Variants in CNPY1 observed in about 807,000 individuals in gnomAD.
CNPY1 encodes canopy FGF signaling regulator 1.
In CNPY1, 14 loss-of-function variants were observed where a neutral mutation model predicts 14.4. That is an observed-to-expected ratio of 0.97 (90% CI 0.64 to 1.52). The LOEUF is 1.52. Among genes scored for constraint, CNPY1 ranks in the 40% most tolerant of loss-of-function variants. The pLI is 0.00. For synonymous variants in CNPY1, 43 were observed against 46.5 expected, an observed-to-expected ratio of 0.92 and a Z score of 0.31; for missense variants, 129 against 131.5, an observed-to-expected ratio of 0.98 and a Z score of 0.09.
chr7:155,515,048 C>T (rs564007342), intron 2 of CNPY1, among the ~76,000 whole-genome samples: 53 of 152,322 alleles, frequency 3.5e-4, no homozygotes, highest in African/African-American at 1.2e-3. Flanking sequence ...GCACACACCA[C>T]GCCATGCATA....
At chr7:155,540,288 C>T (rs78400034) in intron 2 of CNPY1, among the ~76,000 whole-genome samples, 3 of 152,144 alleles carry the variant, frequency 2.0e-5, no homozygotes, top group Non-Finnish European at 4.4e-5. Flanking sequence ...TTCAAGTGCT[C>T]GGCTTTGCCA....
intron 2 of CNPY1, among the ~76,000 whole-genome samples, chr7:155,513,485 C>A (rs140821503): frequency 2.4e-4 from 36 of 152,136 alleles, no homozygotes; most frequent in African/African-American, 8.2e-4. Flanking sequence ...GAAAATAATA[C>A]CTAAATGTTG....
intron 2 of CNPY1, among the ~76,000 whole-genome samples, chr7:155,527,472 C>T (rs1382997660): frequency 2.0e-5 from 2 of 100,966 alleles, no homozygotes; most frequent in Non-Finnish European, 3.6e-5. Context: ...GGCAAGTTCT[C>T]ACTGTCACCC....
At chr7:155,506,952 C>T (rs1258468888) in intron 4 of CNPY1, 68 bp downstream of exon 4, 26 of 1,030,732 alleles carry the variant, frequency 2.5e-5, no homozygotes, top group Non-Finnish European at 1.8e-5. Context: ...GCAAACAAGA[C>T]GCTGCAAGGC....
At chr7:155,509,624 C>T (rs575812921) in intron 2 of CNPY1, among the ~76,000 whole-genome samples, 1 of 152,302 alleles carries the variant, frequency 6.6e-6, no homozygotes, top group South Asian at 2.1e-4. Context: ...AAGTCTGGCC[C>T]TCCCCGGGGC....
chr7:155,533,268 T>C (rs1005131720), intron 2 of CNPY1, among the ~76,000 whole-genome samples: 5 of 152,146 alleles, frequency 3.3e-5, no homozygotes, highest in Admixed American at 1.3e-4. Context: ...CACCTCTCGT[T>C]CGGGGTCTGA....
intron 2 of CNPY1, among the ~76,000 whole-genome samples, chr7:155,534,624 A>G (rs1325072100): frequency 6.6e-6 from 1 of 152,192 alleles, no homozygotes; most frequent in Non-Finnish European, 1.5e-5. Flanking sequence ...GGCCCACTGC[A>G]CTGAGCGAGG....
intron 2 of CNPY1, among the ~76,000 whole-genome samples, 192 bp downstream of exon 2, chr7:155,545,639 G>C (rs186327645): frequency 6.6e-6 from 1 of 152,166 alleles, no homozygotes; most frequent in Non-Finnish European, 1.5e-5. Flanking sequence ...ACAAAATTTA[G>C]GTGCTGAGAG....
At position 155,536,434 on chromosome 7, in the gene CNPY1, G is replaced by C. The variant is rs1055811404; in HGVS notation, c.99+9397C>G. Among the ~76,000 whole-genome samples the C allele has an allele frequency of 1.3e-5, 2 of 152,092 alleles. No individual in the cohort carries two copies. Among genetic ancestry groups the C allele is most frequent in the South Asian group, 2.1e-4 (1 of 4,826 alleles). On this transcript the variant is annotated intron_variant, in intron 2 of 4. Coordinates refer to ENST00000636446, the MANE Select transcript of CNPY1 (RefSeq NM_001393663.1). The surrounding 1 kb of genome is among the most constrained non-coding windows in gnomAD (Gnocchi z 4.1). Reference sequence around the variant, plus strand: ...GCCTTTCTTTGTCCCATGCTACCAGGCTTCTCTCCAGTGACCAGTGACCTG... The same window carrying C: ...GCCTTTCTTTGTCCCATGCTACCAGCCTTCTCTCCAGTGACCAGTGACCTG...
chr7:155,537,470 C>T (rs1797037260), intron 2 of CNPY1, among the ~76,000 whole-genome samples: 1 of 149,128 alleles, frequency 6.7e-6, no homozygotes, highest in African/African-American at 2.5e-5. Context: ...GTCGTCCAGG[C>T]TGGGGTGCAA....
chr7:155,502,977 T>G lies in CNPY1; in HGVS notation c.*91A>C. 3 of 1,202,760 alleles carry G rather than the reference T, an allele frequency of 2.5e-6. No individual in the cohort carries two copies. The highest frequency in any genetic ancestry group is 3.6e-6 in the Non-Finnish European group (3 of 840,870). The allele number at this position is 1,202,760 out of a possible 1,614,324, so 74.5% of individuals were successfully genotyped here. ...GTATAAACAAGAGACAAAATTTTTC[T>G]TATCATGAAAGACAACATGCAAACA... On this transcript the variant is annotated 3_prime_UTR_variant, in exon 5 of 5. Coordinates refer to ENST00000636446, the MANE Select transcript of CNPY1 (RefSeq NM_001393663.1).
chr7:155,544,717 T>C (rs1344911017), intron 2 of CNPY1, among the ~76,000 whole-genome samples: 6 of 152,140 alleles, frequency 3.9e-5, no homozygotes, highest in African/African-American at 1.4e-4. Context: ...GGTGCAGGCG[T>C]CAGACCTGCA....
At chr7:155,507,371 A>G (rs949271783) in intron 3 of CNPY1, among the ~76,000 whole-genome samples, 1 of 150,926 alleles carries the variant, frequency 6.6e-6, no homozygotes, top group Non-Finnish European at 1.5e-5. Context: ...TGAGGAAGGA[A>G]CATCTCTTTG....
At chr7:155,543,675 G>C (rs1797127048) in intron 2 of CNPY1, among the ~76,000 whole-genome samples, 1 of 152,168 alleles carries the variant, frequency 6.6e-6, no homozygotes, top group African/African-American at 2.4e-5. Context: ...GCCAGGCCAT[G>C]CTGTTCTCCA....
Position 155,511,539 on chromosome 7 carries a change from G to A in CNPY1, c.100-2442C>T, listed in dbSNP as rs543930467. Among the ~76,000 whole-genome samples, 8 of 152,216 alleles carry A rather than the reference G, an allele frequency of 5.3e-5. No individual in the cohort carries two copies. The South Asian group carries it at 1.5e-3, about 28-fold the overall frequency. ...TGTTTTTATTTTGAAAGTGTAATTT[G>A]ACATGTTTGAATATGCTACTGTTTT... is the stretch of plus-strand genomic sequence containing the variant. On this transcript the variant is annotated intron_variant, in intron 2 of 4. Coordinates refer to ENST00000636446, the MANE Select transcript of CNPY1 (RefSeq NM_001393663.1).
In CNPY1 at chr7:155,537,017, C is replaced by G. The variant is rs546200127; in HGVS notation, c.99+8814G>C. On this transcript the variant is annotated intron_variant, in intron 2 of 4. Transcript: ENST00000636446. ...CCCCCAGTCCTAGGGATGTAAGGACCAGAGCATCCATCTGTTGATGCTTCT... is the reference window on the plus strand; with the variant it reads ...CCCCCAGTCCTAGGGATGTAAGGACGAGAGCATCCATCTGTTGATGCTTCT... Among the ~76,000 whole-genome samples the G allele has an allele frequency of 1.5e-3, 233 of 152,236 alleles. 2 individuals are homozygous for G. Among genetic ancestry groups the G allele is most frequent in the African/African-American group, 5.2e-3 (216 of 41,530 alleles).
At chr7:155,542,051 G>T (rs1347957115) in intron 2 of CNPY1, among the ~76,000 whole-genome samples, 4 of 152,088 alleles carry the variant, frequency 2.6e-5, no homozygotes, top group African/African-American at 7.2e-5. Context: ...GGTCGGGGGG[G>T]CAGAAGTCTG....
chr7:155,543,486 G>A (rs1261908472), intron 2 of CNPY1, among the ~76,000 whole-genome samples: 1 of 152,196 alleles, frequency 6.6e-6, no homozygotes, highest in Non-Finnish European at 1.5e-5. Flanking sequence ...AGAAAACAAT[G>A]CCACAGGAAT....
At position 155,508,913 on chromosome 7, in the gene CNPY1, T is replaced by C. The variant is rs202024094; in HGVS notation, c.284A>G (p.Tyr95Cys). The C allele has an allele frequency of 1.8e-4, 285 of 1,613,788 alleles. 2 individuals are homozygous for C. The Admixed American group carries it at 4.7e-3, about 26-fold the overall frequency. ...GCTTACCGCAAATTTCAAAGGTCTG[T>C]AAGCATCAGAATAAAAATACAATTT... ...FKKLYFYSDA[Y>C]RPLKFACETI... Residue 95 changes from tyrosine to cysteine, a missense_variant, in exon 3 of 5, where the codon TAC becomes TGC. Coordinates refer to ENST00000636446, the MANE Select transcript of CNPY1 (RefSeq NM_001393663.1).
Sources: allele counts gnomAD v4.1 joint callset (sites outside exome capture counted in the v4.1 genomes callset), GRCh38; gene constraint gnomAD v4.1.1; non-coding constraint Gnocchi (gnomAD v3.1); transcripts MANE v1.5; gene names NCBI Gene and HGNC (gene_info 2026-07-23, HGNC 2026-07-21).